Variants in G3BP1 observed in about 807,000 individuals in gnomAD.
G3BP1 encodes G3BP stress granule assembly factor 1.
Under a neutral mutation model 58.6 loss-of-function variants are expected in G3BP1, and 35 were observed. The observed-to-expected ratio is 0.60, with a 90% CI of 0.46 to 0.79. The LOEUF is 0.79. Among genes scored for constraint, G3BP1 ranks in the 30% least tolerant of loss-of-function variants. The pLI, the probability that G3BP1 is intolerant of heterozygous loss-of-function variation, is 0.00. For missense variants in G3BP1, 523 were observed against 580.8 expected (o/e 0.90, Z 1.02); for synonymous variants, 191 against 195.4 (o/e 0.98, Z 0.19).
chr5:151,795,565 G>T lies in G3BP1; in HGVS notation c.529G>T (p.Ala177Ser), dbSNP rs754481576. ...PDDSGTFYDQ[A>S]VVSNDMEEHL... is the part of the protein sequence containing the mutation. ...TGATTCTGGAACTTTCTATGATCAG[G>T]CAGTTGTCAGGTAAGAAGATTTTGT... The change falls in exon 6 of 12, where the codon GCA becomes TCA. Residue 177 changes from alanine to serine, a missense_variant. Transcript: ENST00000356245. The T allele has an allele frequency of 9.5e-6, 15 of 1,580,046 alleles. No individual in the cohort carries two copies. The Admixed American group carries it at 2.5e-4, about 27-fold the overall frequency.
chr5:151,795,447 C>A, intron 5 of G3BP1, 32 bp from the exon 6 acceptor site: 1 of 1,140,902 alleles, frequency 8.8e-7, no homozygotes, highest in Middle Eastern at 2.0e-4. Context: ...TCAGTAAGTA[C>A]AAATTACTTT....
At position 151,809,232 on chromosome 5, in the gene G3BP1, T is replaced by C. The variant is rs1370678011; in HGVS notation, c.*5141T>C. On this transcript the variant is annotated 3_prime_UTR_variant, in exon 12 of 12. Coordinates refer to ENST00000356245, the MANE Select transcript of G3BP1 (RefSeq NM_005754.3). ...CCACTTCGGTTACTCACTGTCCTCA[T>C]GCTTTGATGTCAGTTGTTCTCCTAA... is the stretch of plus-strand genomic sequence containing the variant. 2 of 152,216 alleles carry C rather than the reference T, an allele frequency of 1.3e-5. No individual in the cohort carries two copies. Among genetic ancestry groups the C allele is most frequent in the Non-Finnish European group, 2.9e-5 (2 of 68,042 alleles). The allele number at this position is 152,216 out of a possible 1,614,324, so 9.4% of individuals were successfully genotyped here.
At chr5:151,799,675 ACT>A (rs1327904426) in intron 8 of G3BP1, among the ~76,000 whole-genome samples, 2 of 151,110 alleles carry the variant, frequency 1.3e-5, no homozygotes, top group Non-Finnish European at 3.0e-5. Flanking sequence ...ACATACTGAG[ACT>A]CTGGCTCAAA....
chr5:151,797,161 T>C (rs1296612414), intron 6 of G3BP1, 66 bp from the exon 7 acceptor site: 5 of 1,508,926 alleles, frequency 3.3e-6, no homozygotes, highest in Non-Finnish European at 4.5e-6. Context: ...GATTAATAAA[T>C]GATGGAGGAA....
chr5:151,786,634 A>G lies in G3BP1; in HGVS notation c.14A>G (p.Lys5Arg), dbSNP rs774300410. The G allele has an allele frequency of 6.2e-7, 1 of 1,611,602 alleles. No individual in the cohort carries two copies. The highest frequency in any genetic ancestry group is 8.5e-7 in the Non-Finnish European group (1 of 1,177,720). ...TTGACCAAAGCAATGGTGATGGAGA[A>G]GCCTAGTCCCCTGCTGGTCGGGCGG... MVME[K>R]PSPLLVGREF... Residue 5 changes from lysine to arginine, a missense_variant, in exon 2 of 12, where the codon AAG becomes AGG. Coordinates refer to ENST00000356245, the MANE Select transcript of G3BP1 (RefSeq NM_005754.3).
At chr5:151,802,080 G>C (rs1231569463) in intron 11 of G3BP1, among the ~76,000 whole-genome samples, 1 of 152,230 alleles carries the variant, frequency 6.6e-6, no homozygotes, top group Non-Finnish European at 1.5e-5. Flanking sequence ...GCCTCCCAAA[G>C]TGCTGGGATT....
intron 2 of G3BP1, chr5:151,787,896 C>T (rs1762577467): frequency 1.0e-5 from 2 of 190,632 alleles, no homozygotes; most frequent in South Asian, 1.4e-4. Context: ...GAATATATCT[C>T]GTGTGTGTGT....
intron 4 of G3BP1, among the ~76,000 whole-genome samples, chr5:151,793,100 G>A (rs574889940): frequency 6.6e-6 from 1 of 152,106 alleles, no homozygotes; most frequent in African/African-American, 2.4e-5. Context: ...ATCTGCTGAA[G>A]TTAGGAATAT....
chr5:151,780,252 A>G (rs1250423118), intron 1 of G3BP1, among the ~76,000 whole-genome samples: 1 of 152,040 alleles, frequency 6.6e-6, no homozygotes, highest in Non-Finnish European at 1.5e-5. Flanking sequence ...TGGCTGCTCC[A>G]TTTCATTTGC....
chr5:151,772,687 C>T (rs552539572), intron 1 of G3BP1: 4 of 152,458 alleles, frequency 2.6e-5, no homozygotes, highest in African/African-American at 9.6e-5. Flanking sequence ...GGCTATCCTC[C>T]TTCCTTAGCG....
chr5:151,808,659 G>C lies in G3BP1; in HGVS notation c.*4568G>C, dbSNP rs1339154988. On this transcript the variant is annotated 3_prime_UTR_variant, in exon 12 of 12. Coordinates refer to ENST00000356245, the MANE Select transcript of G3BP1 (RefSeq NM_005754.3). ...CCTAAGTGTAGTATTTTGAAATGTG[G>C]CCAGTGTCCCAGATTTGTAAGGTAC... is the stretch of plus-strand genomic sequence containing the variant. 1 of 152,114 alleles carries C rather than the reference G, an allele frequency of 6.6e-6. No homozygotes were observed. Among genetic ancestry groups the C allele is most frequent in the African/African-American group, 2.4e-5 (1 of 41,404 alleles). The allele number at this position is 152,114 out of a possible 1,614,324, so 9.4% of individuals were successfully genotyped here.
chr5:151,781,058 A>G (rs1169140805), intron 1 of G3BP1, among the ~76,000 whole-genome samples: 2 of 152,152 alleles, frequency 1.3e-5, no homozygotes, highest in Non-Finnish European at 2.9e-5. Context: ...ACAATTTGAA[A>G]AAGCTCACAA....
rs1344335926 is a variant in G3BP1, at chr5:151,809,280, A to T, written c.*5189A>T. 1.3e-5 allele frequency: 2 copies of T among 152,148 alleles called. No homozygotes were observed. Among genetic ancestry groups the T allele is most frequent in the African/African-American group, 4.8e-5 (2 of 41,442 alleles). The allele number at this position is 152,148 out of a possible 1,614,324, so 9.4% of individuals were successfully genotyped here. ...TAAATTTTAAAATTTTGTTATGAAG[A>T]TTGGATGTACACTGATTTGGCCCTT... On this transcript the variant is annotated 3_prime_UTR_variant, in exon 12 of 12. Coordinates refer to ENST00000356245, the MANE Select transcript of G3BP1 (RefSeq NM_005754.3).
At chr5:151,797,112 GT>G (rs772302490) in intron 6 of G3BP1, 114 bp from the exon 7 acceptor site, 1 of 955,938 alleles carries the variant, frequency 1.0e-6, no homozygotes. Flanking sequence ...TTAGATTTTT[GT>G]TTTGGATAGA....
chr5:151,789,910 C>A (rs1441251790), intron 2 of G3BP1, among the ~76,000 whole-genome samples: 4 of 152,076 alleles, frequency 2.6e-5, no homozygotes, highest in African/African-American at 9.7e-5. Context: ...CGCGGTGACT[C>A]ACACCTACAA....
intron 1 of G3BP1, among the ~76,000 whole-genome samples, chr5:151,775,435 A>G (rs1762352208): frequency 6.6e-6 from 1 of 152,262 alleles, no homozygotes; most frequent in South Asian, 2.1e-4. Context: ...TCTGAAACCG[A>G]ATTGTCAAAA....
Position 151,800,226 on chromosome 5 carries a change from G to T in G3BP1, c.964G>T (p.Ala322Ser). 1 of 1,612,456 alleles carries T rather than the reference G, an allele frequency of 6.2e-7. No homozygotes were observed. Among genetic ancestry groups the T allele is most frequent in the Non-Finnish European group, 8.5e-7 (1 of 1,179,866 alleles). The change falls in exon 10 of 12, where the codon GCT (alanine) becomes TCT (serine). Residue 322 changes from alanine (A) to serine (S), a missense_variant. By Grantham distance (99) the Ala-to-Ser change is moderately conservative. Transcript: ENST00000356245. The part of the protein sequence containing the change: ...PQRGPRPIRE[A>S]GEQGDIEPRR... ...TTTTGTCTCCTTTTAAGTCCGTGAG[G>T]CTGGTGAGCAAGGTGACATTGAACC... is the stretch of plus-strand genomic sequence containing the variant.
intron 1 of G3BP1, among the ~76,000 whole-genome samples, chr5:151,781,516 T>C (rs1478718640): frequency 2.6e-5 from 4 of 152,304 alleles, no homozygotes; most frequent in Non-Finnish European, 5.9e-5. Flanking sequence ...TTTAGTACAA[T>C]ACTGAAAGCC....
chr5:151,806,975 T>G lies in G3BP1; in HGVS notation c.*2884T>G, dbSNP rs1762946800. The G allele has an allele frequency of 6.6e-6, 1 of 152,136 alleles. No individual in the cohort carries two copies. Among genetic ancestry groups the G allele is most frequent in the Non-Finnish European group, 1.5e-5 (1 of 68,010 alleles). The allele number at this position is 152,136 out of a possible 1,614,324, so 9.4% of individuals were successfully genotyped here. ...ATTTGTTTGGTTCAGTGGGTCTTAG[T>G]TTTTTAAGACCTGTTAATTTGTAAT... On this transcript the variant is annotated 3_prime_UTR_variant, in exon 12 of 12. Transcript: ENST00000356245.
Sources: allele counts gnomAD v4.1 joint callset (sites outside exome capture counted in the v4.1 genomes callset), GRCh38; gene constraint gnomAD v4.1.1; transcripts MANE v1.5; gene names NCBI Gene and HGNC (gene_info 2026-07-23, HGNC 2026-07-21).